BAALC: variants seen among roughly 807,000 people sequenced by gnomAD.
The protein encoded by BAALC is brain and acute leukemia cytoplasmic protein.
A neutral mutation model predicts 15.5 loss-of-function variants in BAALC; 9 were observed. That is an observed-to-expected ratio of 0.58 (90% CI 0.35 to 1.02). The LOEUF (loss-of-function observed/expected upper bound fraction) is 1.02. Among genes scored for constraint, BAALC ranks in the 50% least tolerant of loss-of-function variants. BAALC has a pLI of 0.02. For missense variants in BAALC, 201 were observed against 192.4 expected (o/e 1.04, Z -0.27); for synonymous variants, 80 against 74.6 (o/e 1.07, Z -0.37).
At chr8:103,210,100 T>C (rs180983867) in intron 1 of BAALC, among the ~76,000 whole-genome samples, 38 of 152,294 alleles carry the variant, frequency 2.5e-4, no homozygotes, top group Admixed American at 2.3e-3. Flanking sequence ...ATGAGACATG[T>C]GTACTGTGGT....
chr8:103,142,350 C>A (rs543235993), intron 1 of BAALC, among the ~76,000 whole-genome samples: 1 of 152,210 alleles, frequency 6.6e-6, no homozygotes, highest in Non-Finnish European at 1.5e-5. Flanking sequence ...ATACATTACA[C>A]TATATTTGTC....
At chr8:103,174,526 A>T (rs1310307265) in intron 1 of BAALC, among the ~76,000 whole-genome samples, 3 of 152,226 alleles carry the variant, frequency 2.0e-5, no homozygotes, top group Non-Finnish European at 4.4e-5. Context: ...TGTGAACTGC[A>T]AAGATGCAGG....
rs145252425 is a variant in BAALC, at chr8:103,164,938, AG to A, written c.160+23883del. ...CTTGCTCATTACCTGTCCCCTAAAAAGGCTTGCCATTACTGTTGTCTGAGAC... is the reference window on the plus strand; with the variant it reads ...CTTGCTCATTACCTGTCCCCTAAAAAGCTTGCCATTACTGTTGTCTGAGAC... On this transcript the variant is annotated intron_variant, in intron 1 of 2. Coordinates refer to ENST00000309982, the MANE Select transcript of BAALC (RefSeq NM_024812.3). Among the ~76,000 whole-genome samples the A allele has an allele frequency of 6.1e-3, 934 of 152,268 alleles. 14 individuals carry two copies. Among genetic ancestry groups the A allele is most frequent in the African/African-American group, 0.021 (885 of 41,532 alleles).
rs1328927023 is a variant in BAALC, at chr8:103,228,635, C to T, written c.*536C>T. The T allele has an allele frequency of 6.5e-6, 1 of 152,724 alleles. No individual in the cohort carries two copies. Among genetic ancestry groups the T allele is most frequent in the African/African-American group, 2.4e-5 (1 of 41,450 alleles). 9.5% of individuals were successfully genotyped at this position (152,724 alleles called of 1,614,324 possible). On this transcript the variant is annotated 3_prime_UTR_variant, in exon 3 of 3. Coordinates refer to ENST00000309982, the MANE Select transcript of BAALC (RefSeq NM_024812.3). ...TTGAAAAAATCAAGGTACAGGAAAA[C>T]TCCTTGTTATCCTTGTTTCCTTAGC...
chr8:103,192,402 T>C (rs574336812), intron 1 of BAALC, among the ~76,000 whole-genome samples: 1 of 152,238 alleles, frequency 6.6e-6, no homozygotes, highest in Non-Finnish European at 1.5e-5. Context: ...TTGTCAAACA[T>C]AATCCTGTTC....
At chr8:103,205,369 C>T (rs527800257) in intron 1 of BAALC, among the ~76,000 whole-genome samples, 1 of 152,196 alleles carries the variant, frequency 6.6e-6, no homozygotes, top group South Asian at 2.1e-4. Flanking sequence ...TGACTTGTTT[C>T]CTGCATGGAA....
At chr8:103,154,762 C>T (rs1338751043) in intron 1 of BAALC, 3 of 154,414 alleles carry the variant, frequency 1.9e-5, no homozygotes. Context: ...AGGACACTTA[C>T]TCCCTTTTGA....
intron 1 of BAALC, among the ~76,000 whole-genome samples, chr8:103,169,387 C>G (rs1048571636): frequency 6.6e-6 from 1 of 152,126 alleles, no homozygotes; most frequent in Non-Finnish European, 1.5e-5. Context: ...TTTATGTCCC[C>G]CACCCCGTCT....
At chr8:103,166,582 G>A (rs1220016606) in intron 1 of BAALC, among the ~76,000 whole-genome samples, 1 of 152,018 alleles carries the variant, frequency 6.6e-6, no homozygotes. Context: ...AGCATGCTGG[G>A]GAAAGAAAGA....
intron 1 of BAALC, among the ~76,000 whole-genome samples, chr8:103,211,887 C>T (rs753751649): frequency 3.3e-5 from 5 of 152,152 alleles, no homozygotes; most frequent in South Asian, 4.1e-4. Context: ...GTAGAAAGTC[C>T]GGGCTACCTT....
chr8:103,183,864 A>C (rs1365388698), intron 1 of BAALC, among the ~76,000 whole-genome samples: 2 of 152,210 alleles, frequency 1.3e-5, no homozygotes, highest in Non-Finnish European at 2.9e-5. Context: ...AACTCCCATG[A>C]TGTGAAGTGT....
intron 1 of BAALC, among the ~76,000 whole-genome samples, chr8:103,210,050 G>C (rs1182950423): frequency 1.3e-5 from 2 of 152,290 alleles, no homozygotes; most frequent in Admixed American, 1.3e-4. Flanking sequence ...GGTGTACACT[G>C]CCCTAGCCCC....
At chr8:103,217,226 A>G (rs963303140) in intron 2 of BAALC, among the ~76,000 whole-genome samples, 1 of 152,222 alleles carries the variant, frequency 6.6e-6, no homozygotes, top group African/African-American at 2.4e-5. Context: ...TTTATATTTA[A>G]AAGATAATCA....
chr8:103,180,389 C>T (rs996795088), intron 1 of BAALC, among the ~76,000 whole-genome samples: 20 of 152,274 alleles, frequency 1.3e-4, no homozygotes, highest in South Asian at 1.0e-3. Flanking sequence ...GCAAGGCTCA[C>T]GTGCTTGGCC....
rs2129951661 is a variant in BAALC, at chr8:103,173,573, C to A, written c.160+32516C>A. Among the ~76,000 whole-genome samples the A allele has an allele frequency of 2.6e-5, 4 of 152,264 alleles. No homozygotes were observed. The South Asian group carries it at 8.3e-4, about 32-fold the overall frequency. On this transcript the variant is annotated intron_variant, in intron 1 of 2. Coordinates refer to ENST00000309982, the MANE Select transcript of BAALC (RefSeq NM_024812.3). ...ATGATAGTATATCCTCAGATCCCCC[C>A]AGGAATTTGCTGACTGTCACATTTT... is the stretch of plus-strand genomic sequence containing the variant.
At chr8:103,178,108 G>A (rs1292677984) in intron 1 of BAALC, among the ~76,000 whole-genome samples, 2 of 152,150 alleles carry the variant, frequency 1.3e-5, no homozygotes, top group African/African-American at 4.8e-5. Flanking sequence ...TTAAAAAGCA[G>A]AGGACTATAT....
At chr8:103,155,347 C>A (rs1811069303) in intron 1 of BAALC, among the ~76,000 whole-genome samples, 1 of 152,138 alleles carries the variant, frequency 6.6e-6, no homozygotes. Context: ...GTCAGCATCC[C>A]AGTTTCTCTA....
chr8:103,218,043 T>C (rs1284184349), intron 2 of BAALC, among the ~76,000 whole-genome samples: 1 of 152,238 alleles, frequency 6.6e-6, no homozygotes, highest in African/African-American at 2.4e-5. Flanking sequence ...GCAGCTACTC[T>C]ATTTAATGCA....
intron 1 of BAALC, among the ~76,000 whole-genome samples, chr8:103,193,447 C>G (rs1184544869): frequency 6.6e-6 from 1 of 152,206 alleles, no homozygotes; most frequent in Non-Finnish European, 1.5e-5. Flanking sequence ...CATTCAGTGC[C>G]CTCTCTTGCT....
Sources: gnomAD v4.1 joint callset for allele counts (sites outside exome capture counted in the v4.1 genomes callset) on GRCh38, gnomAD v4.1.1 for gene constraint, MANE v1.5 for transcripts, NCBI Gene and HGNC (gene_info 2026-07-23, HGNC 2026-07-21) for gene names.